CCSER1: variants seen among roughly 807,000 people sequenced by gnomAD.
CCSER1 encodes coiled-coil serine rich protein 1, also known as serine-rich coiled-coil domain-containing protein 1.
CCSER1 carries 41 observed loss-of-function variants against 82.0 expected under a neutral mutation model. The ratio of observed to expected loss-of-function variants is 0.50; its 90% CI spans 0.39 to 0.65. CCSER1 has a LOEUF of 0.65. CCSER1 is among the 30% of genes least tolerant of loss of function. CCSER1 has a pLI of 0.00. For synonymous variants in CCSER1, 414 were observed against 383.9 expected (o/e 1.08, Z -0.92); for missense variants, 1,119 against 1,064.2 (o/e 1.05, Z -0.72).
At chr4:91,260,932 T>C (rs749736413) in intron 10 of CCSER1, among the ~76,000 whole-genome samples, 15 of 151,860 alleles carry the variant, frequency 9.9e-5, no homozygotes, top group Non-Finnish European at 1.6e-4. Flanking sequence ...GGCTAATTTC[T>C]TTTTGTATTT....
intron 3 of CCSER1, among the ~76,000 whole-genome samples, chr4:90,374,571 A>G (rs894532940): frequency 1.3e-5 from 2 of 152,136 alleles, no homozygotes; most frequent in Non-Finnish European, 2.9e-5. Context: ...AATTTGATGC[A>G]TTATATGCTC....
chr4:90,427,395 A>G (rs772376821), intron 4 of CCSER1, among the ~76,000 whole-genome samples: 27 of 151,818 alleles, frequency 1.8e-4, no homozygotes, highest in Non-Finnish European at 3.2e-4. Flanking sequence ...ATAACAGAAT[A>G]TAAAATGGAA....
At chr4:91,447,919 A>C (rs1190181197) in intron 10 of CCSER1, among the ~76,000 whole-genome samples, 1 of 152,126 alleles carries the variant, frequency 6.6e-6, no homozygotes, top group African/African-American at 2.4e-5. Flanking sequence ...AGAGTGGTCC[A>C]TAAAAAGTGG....
At chr4:91,158,394 A>G (rs1474860614) in intron 10 of CCSER1, among the ~76,000 whole-genome samples, 1 of 151,926 alleles carries the variant, frequency 6.6e-6, no homozygotes, top group East Asian at 1.9e-4. Context: ...TTCTCAGAAA[A>G]ATCAGCAACT....
intron 10 of CCSER1, among the ~76,000 whole-genome samples, chr4:91,316,982 C>T (rs533094509): frequency 1.3e-5 from 2 of 152,002 alleles, no homozygotes; most frequent in South Asian, 4.1e-4. Context: ...TCTTACACAG[C>T]ATGGTGACTA....
At chr4:90,434,924 A>C (rs1028944381) in intron 4 of CCSER1, among the ~76,000 whole-genome samples, 3 of 152,112 alleles carry the variant, frequency 2.0e-5, no homozygotes, top group Admixed American at 6.6e-5. Flanking sequence ...TTCATATCGG[A>C]CAACAATGTG....
intron 10 of CCSER1, among the ~76,000 whole-genome samples, chr4:91,361,410 A>T (rs997796191): frequency 1.3e-5 from 2 of 151,692 alleles, no homozygotes; most frequent in Non-Finnish European, 2.9e-5. Context: ...GTTAACTTAA[A>T]TTTTTTTTGG....
chr4:91,421,705 T>C (rs1284279378), intron 10 of CCSER1, among the ~76,000 whole-genome samples: 1 of 151,912 alleles, frequency 6.6e-6, no homozygotes, highest in African/African-American at 2.4e-5. Context: ...GTAGTAATCA[T>C]TACACAGTGT....
chr4:90,164,201 G>T (rs1364360173), intron 1 of CCSER1, among the ~76,000 whole-genome samples: 1 of 151,038 alleles, frequency 6.6e-6, no homozygotes, highest in African/African-American at 2.4e-5. Context: ...CATTTAATAA[G>T]GGTTTTTTTT....
chr4:90,368,318 T>A (rs6825351), intron 3 of CCSER1, among the ~76,000 whole-genome samples: 55,871 of 151,472 alleles, frequency 0.37, 11,036 homozygotes, highest in African/African-American at 0.48. Context: ...AACCATGATA[T>A]GAATGAATAA....
chr4:91,583,915 A>G (rs768917790), intron 10 of CCSER1, among the ~76,000 whole-genome samples: 13 of 151,410 alleles, frequency 8.6e-5, no homozygotes, highest in South Asian at 4.1e-4. Context: ...ACTAAGGAGG[A>G]TTCTACAAAA....
chr4:90,772,552 T>C (rs1334557547), intron 7 of CCSER1, among the ~76,000 whole-genome samples: 1 of 152,182 alleles, frequency 6.6e-6, no homozygotes, highest in East Asian at 1.9e-4. Flanking sequence ...TTTCTTATAA[T>C]ATATCAGTCA....
At chr4:90,500,952 A>G (rs754511522) in intron 5 of CCSER1, among the ~76,000 whole-genome samples, 6 of 152,054 alleles carry the variant, frequency 3.9e-5, no homozygotes, top group African/African-American at 9.7e-5. Flanking sequence ...CAAACAAAAA[A>G]TAAGATTGTT....
At chr4:90,555,349 T>G (rs965968217) in intron 5 of CCSER1, among the ~76,000 whole-genome samples, 1 of 152,138 alleles carries the variant, frequency 6.6e-6, no homozygotes, top group African/African-American at 2.4e-5. Flanking sequence ...CTTACTTCTC[T>G]TTTATATTCT....
intron 10 of CCSER1, among the ~76,000 whole-genome samples, chr4:91,326,655 A>G (rs574246094): frequency 1.1e-4 from 17 of 152,192 alleles, no homozygotes; most frequent in Admixed American, 8.5e-4. Flanking sequence ...AACTCATTCC[A>G]TCATTAAGTC....
chr4:91,344,167 A>G (rs1332985165), intron 10 of CCSER1, among the ~76,000 whole-genome samples: 1 of 152,144 alleles, frequency 6.6e-6, no homozygotes, highest in Non-Finnish European at 1.5e-5. Flanking sequence ...TAGTGTCCTT[A>G]TAAAAGGGAT....
chr4:90,870,807 G>C (rs1441629190), intron 8 of CCSER1, among the ~76,000 whole-genome samples: 1 of 137,660 alleles, frequency 7.3e-6, no homozygotes, highest in East Asian at 2.0e-4. Context: ...AAGCCACCAG[G>C]TCCTTGGCTT....
chr4:90,429,715 A>C (rs1035590514), intron 4 of CCSER1, among the ~76,000 whole-genome samples: 1 of 151,794 alleles, frequency 6.6e-6, no homozygotes, highest in African/African-American at 2.4e-5. Context: ...TAGAGTGGAC[A>C]ATTATTCTGA....
At chr4:90,788,972 T>C (rs1754881930) in intron 7 of CCSER1, among the ~76,000 whole-genome samples, 1 of 151,246 alleles carries the variant, frequency 6.6e-6, no homozygotes, top group Non-Finnish European at 1.5e-5. Flanking sequence ...TTTTCATCAG[T>C]GTTTAAACTT....
Sources: gnomAD v4.1 joint callset for allele counts (sites outside exome capture counted in the v4.1 genomes callset) on GRCh38, gnomAD v4.1.1 for gene constraint, MANE v1.5 for transcripts, NCBI Gene and HGNC (gene_info 2026-07-23, HGNC 2026-07-21) for gene names.